Variants in MTUS1 observed in about 807,000 individuals in gnomAD.
MTUS1 encodes the protein microtubule-associated tumor suppressor 1.
In MTUS1, 109 loss-of-function variants were observed where a neutral mutation model predicts 120.8. That is an observed-to-expected ratio of 0.90 (90% CI 0.77 to 1.06). The LOEUF (loss-of-function observed/expected upper bound fraction) is 1.06, where lower values mean the gene tolerates loss of function less well. Among genes scored for constraint, MTUS1 ranks in the 50% least tolerant of loss-of-function variants. MTUS1 has a pLI of 0.00. For synonymous variants in MTUS1, 737 were observed against 550.5 expected, an observed-to-expected ratio of 1.34 and a Z score of -4.74; for missense variants, 2,210 against 1,486.3, an observed-to-expected ratio of 1.49 and a Z score of -8.01.
Position 17,692,307 on chromosome 8 carries a change from C to T in MTUS1, c.2624-7765G>A, listed in dbSNP as rs1817105013. 3 of 152,244 alleles carry T rather than the reference C, an allele frequency of 2.0e-5. No individual in the cohort carries two copies. The South Asian group carries it at 6.2e-4, about 32-fold the overall frequency. The allele number at this position is 152,244 out of a possible 1,614,324, so 9.4% of individuals were successfully genotyped here. ...CCAATGAGACGGAAGCTTAAGCGAC[C>T]TGGCACCACCCCTTCCTCATTTCTT... On this transcript the variant is annotated intron_variant, in intron 6 of 14. Coordinates refer to ENST00000693296, the MANE Select transcript of MTUS1 (RefSeq NM_001363059.2).
Position 17,769,132 on chromosome 8 carries a change from C to G in MTUS1, c.-154-13171G>C, listed in dbSNP as rs569970393. The stretch of plus-strand genomic sequence containing the variant: ...CCGAAGGAGAAGCTCCCAGCAAAGC[C>G]TGCGGGAAGTATAAAGATTCCAGAC... On this transcript the variant is annotated intron_variant, in intron 1 of 14. Transcript: ENST00000693296. Among the ~76,000 whole-genome samples, 7 of 152,058 alleles carry G rather than the reference C, an allele frequency of 4.6e-5. No individual in the cohort carries two copies. The East Asian group carries it at 1.4e-3, about 30-fold the overall frequency.
At chr8:17,775,694 G>A (rs1309561507) in intron 1 of MTUS1, among the ~76,000 whole-genome samples, 2 of 152,336 alleles carry the variant, frequency 1.3e-5, no homozygotes, top group Non-Finnish European at 2.9e-5. Flanking sequence ...TGACAAAGAT[G>A]TTTTCGATGT....
chr8:17,691,204 CAT>C (rs1563210204), intron 6 of MTUS1: 2 of 152,202 alleles, frequency 1.3e-5, no homozygotes, highest in African/African-American at 4.8e-5. Flanking sequence ...TACATTAAAA[CAT>C]AATTTAGTGT....
At chr8:17,653,153 T>C in intron 12 of MTUS1, 33 bp downstream of exon 12, 1 of 1,296,196 alleles carries the variant, frequency 7.7e-7, no homozygotes, top group Non-Finnish European at 1.1e-6. Flanking sequence ...AGAAGAAAAA[T>C]TCCATACTGA....
At chr8:17,678,311 C>A (rs1175540074) in intron 7 of MTUS1, among the ~76,000 whole-genome samples, 1 of 152,000 alleles carries the variant, frequency 6.6e-6, no homozygotes, top group African/African-American at 2.4e-5. Context: ...GTCTAGATAA[C>A]AGGTTGATTC....
rs540375227 is a variant in MTUS1, at chr8:17,720,353, A to C, written c.2449+3319T>G. 4.6e-5 allele frequency among the ~76,000 whole-genome samples: 7 copies of C among 151,860 alleles called. No individual in the cohort carries two copies. The South Asian group carries it at 1.2e-3, about 27-fold the overall frequency. On this transcript the variant is annotated intron_variant, in intron 4 of 14. Transcript: ENST00000693296. ...AGAGCGAAACTCCATCTAAAAAAAA[A>C]AAAAACAAAAAACAAAAAACAAACT...
intron 4 of MTUS1, among the ~76,000 whole-genome samples, chr8:17,720,527 G>C (rs1404706296): frequency 6.6e-6 from 1 of 152,038 alleles, no homozygotes; most frequent in African/African-American, 2.4e-5. Context: ...AATAGCTTTG[G>C]TCTGCACCTC....
intron 6 of MTUS1, among the ~76,000 whole-genome samples, chr8:17,689,196 G>A (rs924515985): frequency 6.6e-6 from 1 of 152,062 alleles, no homozygotes; most frequent in South Asian, 2.1e-4. Context: ...GGGTGACAGA[G>A]CAAGACTCCG....
intron 6 of MTUS1, among the ~76,000 whole-genome samples, chr8:17,696,485 C>T (rs1053703535): frequency 6.6e-6 from 1 of 152,084 alleles, no homozygotes; most frequent in Non-Finnish European, 1.5e-5. Context: ...ATAAAAACAC[C>T]CCAGCTAACA....
At chr8:17,646,775 G>A (rs1176469603) in intron 14 of MTUS1, among the ~76,000 whole-genome samples, 2 of 152,154 alleles carry the variant, frequency 1.3e-5, no homozygotes, top group Non-Finnish European at 2.9e-5. Flanking sequence ...AGGCTTGCTG[G>A]CCTGGGTCTC....
At chr8:17,697,509 T>G in intron 6 of MTUS1, 11 of 1,408,426 alleles carry the variant, frequency 7.8e-6, no homozygotes, top group Non-Finnish European at 9.3e-6. Flanking sequence ...ACAGCAAATG[T>G]CATTCCACCA....
At chr8:17,653,972 T>G (rs1253026427) in intron 10 of MTUS1, 1 of 157,684 alleles carries the variant, frequency 6.3e-6, no homozygotes, top group African/African-American at 2.4e-5. Context: ...TCTGCCTGAC[T>G]TTGGGCAACT....
intron 8 of MTUS1, among the ~76,000 whole-genome samples, chr8:17,664,519 C>G (rs898750294): frequency 6.6e-6 from 1 of 151,340 alleles, no homozygotes; most frequent in Non-Finnish European, 1.5e-5. Flanking sequence ...GCCTCCAGCT[C>G]TGCCTGCAGT....
At position 17,722,910 on chromosome 8, in the gene MTUS1, C is replaced by T. The variant is rs575213478; in HGVS notation, c.2449+762G>A. On this transcript the variant is annotated intron_variant, in intron 4 of 14. Coordinates refer to ENST00000693296, the MANE Select transcript of MTUS1 (RefSeq NM_001363059.2). ...ATCTGTCAAACTGAAGAGATCAGTT[C>T]GCCACTCCTCTCCACACCCTTGTGT... is the stretch of plus-strand genomic sequence containing the variant. 5.3e-5 allele frequency among the ~76,000 whole-genome samples: 8 copies of T among 152,282 alleles called. No individual in the cohort carries two copies. In the South Asian group the frequency reaches 6.2e-4, roughly 12 times the overall value.
At chr8:17,656,580 C>G (rs1219797465) in intron 8 of MTUS1, among the ~76,000 whole-genome samples, 1 of 141,690 alleles carries the variant, frequency 7.1e-6, no homozygotes, top group East Asian at 2.2e-4. Context: ...AACTGACTCC[C>G]AAGCAGTAAG....
intron 3 of MTUS1, among the ~76,000 whole-genome samples, chr8:17,726,762 T>C (rs1283079378): frequency 6.6e-6 from 1 of 152,206 alleles, no homozygotes; most frequent in Non-Finnish European, 1.5e-5. Context: ...ATTTTTAGAA[T>C]ATAAATTTGC....
chr8:17,727,540 A>T (rs948314351), intron 3 of MTUS1, among the ~76,000 whole-genome samples: 3 of 152,212 alleles, frequency 2.0e-5, no homozygotes, highest in African/African-American at 7.2e-5. Context: ...AACAGTCCCG[A>T]CGTTTAGCTT....
intron 7 of MTUS1, among the ~76,000 whole-genome samples, chr8:17,678,480 G>A (rs897508620): frequency 6.6e-6 from 1 of 152,086 alleles, no homozygotes; most frequent in Admixed American, 6.6e-5. Context: ...GGAGTCCCTG[G>A]GACACAGGCA....
intron 4 of MTUS1, among the ~76,000 whole-genome samples, chr8:17,717,172 C>G (rs766465331): frequency 3.9e-5 from 6 of 152,292 alleles, no homozygotes; most frequent in Middle Eastern, 3.4e-3. Flanking sequence ...TCATTGTTCT[C>G]GTGCCCAAAT....
Sources: gnomAD v4.1 joint callset for allele counts (sites outside exome capture counted in the v4.1 genomes callset) on GRCh38, gnomAD v4.1.1 for gene constraint, MANE v1.5 for transcripts, NCBI Gene and HGNC (gene_info 2026-07-23, HGNC 2026-07-21) for gene names.